Variants in BNC1 observed in about 807,000 individuals in gnomAD.
The protein encoded by BNC1 is basonuclin zinc finger protein 1.
Under a neutral mutation model 66.5 loss-of-function variants are expected in BNC1, and 8 were observed. That is an observed-to-expected ratio of 0.12 (90% CI 0.07 to 0.22). The LOEUF (loss-of-function observed/expected upper bound fraction) is 0.22, where lower values mean the gene tolerates loss of function less well. Ranked by LOEUF, BNC1 falls within the 10% of genes least tolerant of loss-of-function variation. BNC1 has a pLI of 1.00. For synonymous variants in BNC1, 454 were observed against 452.6 expected, an observed-to-expected ratio of 1.00 and a Z score of -0.04; for missense variants, 1,069 against 1,241.3, an observed-to-expected ratio of 0.86 and a Z score of 2.09.
chr15:83,265,893 T>A (rs916359783), intron 3 of BNC1, among the ~76,000 whole-genome samples: 1 of 152,212 alleles, frequency 6.6e-6, no homozygotes, highest in African/African-American at 2.4e-5. Context: ...GTGTTCATTT[T>A]AATTACATGG....
intron 1 of BNC1, among the ~76,000 whole-genome samples, chr15:83,271,702 A>G (rs919041829): frequency 6.6e-6 from 1 of 152,216 alleles, no homozygotes. Flanking sequence ...GGAGAGGCAC[A>G]ATTAAGAAAA....
At chr15:83,283,387 G>A (rs2038403945) in intron 1 of BNC1, 3 of 1,350,890 alleles carry the variant, frequency 2.2e-6, no homozygotes, top group East Asian at 5.9e-5. Context: ...AGACCCCGCA[G>A]CGGCCTCCTC....
rs747965293 is a variant in BNC1 at position 83,257,705 on chromosome 15, T to C, written c.2722A>G (p.Ile908Val). The change falls in exon 5 of 5, where the codon ATC becomes GTC. Residue 908 changes from isoleucine to valine, a missense_variant. Physicochemically the swap from Ile to Val is conservative, Grantham distance 29. Around this residue, in one of 7 missense-constraint regions of BNC1, gnomAD observed 657 missense variants for 715.8 expected, o/e 0.92. Coordinates refer to ENST00000345382, the MANE Select transcript of BNC1 (RefSeq NM_001717.4). ...TCAGCCTTCTCCATCAGGACACAGA[T>C]GGGGTACTCATCTTCCCCAGGGACA... ...SLVPGEDEYP[I>V]CVLMEKADQS... 6.2e-7 allele frequency: 1 copy of C among 1,614,076 alleles called. No individual in the cohort carries two copies. The highest frequency in any genetic ancestry group is 1.1e-5 in the South Asian group (1 of 91,078).
In BNC1 at chr15:83,266,980, C is replaced by T. The variant is rs1320001613; in HGVS notation, c.291G>A (p.Met97Ile). The change falls in exon 3 of 5, where the codon ATG becomes ATA. Residue 97 changes from methionine to isoleucine, a missense_variant. Transcript: ENST00000345382. ...CGGGGATGGCCTGGGTCCCATAGAG[C>T]ATGAGGCTGCTAATATCAAACACTA... is the stretch of plus-strand genomic sequence containing the variant. ...SNVVFDISSLMLYGTQAIPVR... is the reference protein window; with the variant it reads ...SNVVFDISSLILYGTQAIPVR... 1 of 1,614,148 alleles carries T rather than the reference C, an allele frequency of 6.2e-7. No individual in the cohort carries two copies. Among genetic ancestry groups the T allele is most frequent in the Admixed American group, 1.7e-5 (1 of 60,024 alleles).
intron 1 of BNC1, among the ~76,000 whole-genome samples, chr15:83,281,988 T>C (rs1305649731): frequency 6.6e-6 from 1 of 152,256 alleles, no homozygotes; most frequent in Non-Finnish European, 1.5e-5. Flanking sequence ...AGGCAATTAC[T>C]TCATGTTAGT....
intron 1 of BNC1, among the ~76,000 whole-genome samples, chr15:83,278,015 A>C (rs1595942629): frequency 6.6e-6 from 1 of 151,884 alleles, no homozygotes; most frequent in East Asian, 1.9e-4. Flanking sequence ...ACATATGAAA[A>C]CCCACAGAGG....
At chr15:83,283,539 CG>C in intron 1 of BNC1, 1 of 982,538 alleles carries the variant, frequency 1.0e-6, no homozygotes, top group African/African-American at 1.7e-5. Context: ...AGCTCGAAGT[CG>C]GGGGCCGGGG....
At chr15:83,272,520 A>C (rs1040967320) in intron 1 of BNC1, among the ~76,000 whole-genome samples, 1 of 151,904 alleles carries the variant, frequency 6.6e-6, no homozygotes, top group African/African-American at 2.4e-5. Flanking sequence ...TACAGGTGTG[A>C]GCCACTGCAC....
At chr15:83,262,611 G>GA (rs2038156418) in intron 4 of BNC1, among the ~76,000 whole-genome samples, 1 of 152,186 alleles carries the variant, frequency 6.6e-6, no homozygotes, top group African/African-American at 2.4e-5. Context: ...AAAAATTCAT[G>GA]AATGTTGAAA....
At chr15:83,274,177 G>A (rs1232026735) in intron 1 of BNC1, among the ~76,000 whole-genome samples, 1 of 152,140 alleles carries the variant, frequency 6.6e-6, no homozygotes, top group Non-Finnish European at 1.5e-5. Flanking sequence ...GAAGTCAGGA[G>A]ATTGAGACCA....
chr15:83,283,488 C>T, intron 1 of BNC1: 1 of 985,322 alleles, frequency 1.0e-6, no homozygotes, highest in Non-Finnish European at 1.2e-6. Context: ...GAGCCACGCG[C>T]TCGCAGGTCC....
rs562778959 is a variant in BNC1 at position 83,283,873 on chromosome 15, C to A, written c.99+657G>T. Among the ~76,000 whole-genome samples, 174 of 152,290 alleles carry A rather than the reference C, an allele frequency of 1.1e-3. 3 individuals are homozygous for A. Among genetic ancestry groups the A allele is most frequent in the Admixed American group, 4.2e-3 (64 of 15,308 alleles). ...ACCTGTCTAAATAGCGACTTTCAGT[C>A]GTGGGTTTTTTGTTCTTGTGGGTTT... On this transcript the variant is annotated intron_variant, in intron 1 of 4. Transcript: ENST00000345382.
chr15:83,258,294 C>G (rs2038105434), intron 4 of BNC1, among the ~76,000 whole-genome samples, 168 bp from the exon 5 acceptor site: 2 of 152,102 alleles, frequency 1.3e-5, no homozygotes, highest in African/African-American at 4.8e-5. Context: ...GGATACAGAC[C>G]CACTGTTGTT....
intron 4 of BNC1, among the ~76,000 whole-genome samples, chr15:83,261,593 C>T (rs1349568212): frequency 1.3e-5 from 2 of 152,180 alleles, no homozygotes; most frequent in Admixed American, 1.3e-4. Flanking sequence ...CATTTATAGG[C>T]TAGGGAGGAA....
intron 1 of BNC1, among the ~76,000 whole-genome samples, chr15:83,269,117 G>T (rs1367582236): frequency 6.6e-6 from 1 of 152,094 alleles, no homozygotes; most frequent in Admixed American, 6.6e-5. Flanking sequence ...CCAGCTACTC[G>T]GGAGGCTAAG....
intron 3 of BNC1, among the ~76,000 whole-genome samples, chr15:83,265,771 C>T (rs548744081): frequency 6.6e-6 from 1 of 152,256 alleles, no homozygotes; most frequent in African/African-American, 2.4e-5. Context: ...AAATGACTTT[C>T]AGCATGATTT....
At chr15:83,262,640 G>A (rs1039939506) in intron 4 of BNC1, among the ~76,000 whole-genome samples, 2 of 152,056 alleles carry the variant, frequency 1.3e-5, no homozygotes, top group Non-Finnish European at 2.9e-5. Flanking sequence ...TTCATAGAAC[G>A]GTTTCTCAAA....
chr15:83,272,152 AC>A (rs1223389909), intron 1 of BNC1, among the ~76,000 whole-genome samples: 2 of 152,216 alleles, frequency 1.3e-5, no homozygotes, highest in East Asian at 3.8e-4. Context: ...TATAAATATG[AC>A]CATTTTACAG....
At chr15:83,261,696 T>TGC (rs1265119403) in intron 4 of BNC1, among the ~76,000 whole-genome samples, 1 of 152,208 alleles carries the variant, frequency 6.6e-6, no homozygotes, top group Non-Finnish European at 1.5e-5. Flanking sequence ...TGATGAGATA[T>TGC]GCTCTATAGC....
Sources: allele counts gnomAD v4.1 joint callset (sites outside exome capture counted in the v4.1 genomes callset), GRCh38; gene constraint gnomAD v4.1.1; regional missense constraint gnomAD v4.1.1; transcripts MANE v1.5; gene names NCBI Gene and HGNC (gene_info 2026-07-23, HGNC 2026-07-21).